Variants in NRG3 observed in about 807,000 individuals in gnomAD.
NRG3 encodes the protein pro-neuregulin-3, membrane-bound isoform.
Under a neutral mutation model 66.9 loss-of-function variants are expected in NRG3, and 31 were observed. That is an observed-to-expected ratio of 0.46 (90% confidence interval 0.35 to 0.63). NRG3 has a LOEUF of 0.63. NRG3 is among the 20% of genes least tolerant of loss of function. The pLI is 0.00. For missense variants in NRG3, 910 were observed against 878.9 expected, an observed-to-expected ratio of 1.04 and a Z score of -0.45; for synonymous variants, 393 against 359.4, an observed-to-expected ratio of 1.09 and a Z score of -1.06.
In NRG3 at chr10:82,870,234, CT is replaced by C. The variant is rs1182495184; in HGVS notation, c.1054+4801del. Among the ~76,000 whole-genome samples the C allele has an allele frequency of 2.6e-5, 4 of 152,122 alleles. No homozygotes were observed. In the East Asian group the frequency reaches 7.7e-4, roughly 29 times the overall value. On this transcript the variant is annotated intron_variant, in intron 4 of 8. Coordinates refer to ENST00000372141, the MANE Select transcript of NRG3 (RefSeq NM_001010848.4). Reference sequence around the variant, plus strand: ...GACTGTCATATATTTGGAATAATACCTTTTGTACTGGCTTATTTCACTTAGT... The same window carrying C: ...GACTGTCATATATTTGGAATAATACCTTTGTACTGGCTTATTTCACTTAGT...
rs946407106 is a variant in NRG3, at chr10:82,940,831, A to G, written c.1055-10638A>G. Among the ~76,000 whole-genome samples, 12 of 152,092 alleles carry G rather than the reference A, an allele frequency of 7.9e-5. 1 individual carries two copies. In the East Asian group the frequency reaches 2.3e-3, roughly 30 times the overall value. Reference sequence around the variant, plus strand: ...GACTTACCCACTTCCCAAAAGCCCCACCTCTTAATATGATTCCATAGGGCA... The same window carrying G: ...GACTTACCCACTTCCCAAAAGCCCCGCCTCTTAATATGATTCCATAGGGCA... On this transcript the variant is annotated intron_variant, in intron 4 of 8. Coordinates refer to ENST00000372141, the MANE Select transcript of NRG3 (RefSeq NM_001010848.4).
chr10:82,565,489 T>A (rs1396506287), intron 2 of NRG3, among the ~76,000 whole-genome samples: 1 of 152,104 alleles, frequency 6.6e-6, no homozygotes, highest in East Asian at 1.9e-4. Flanking sequence ...TTGACTTTCA[T>A]CCTTCAATCC....
At chr10:82,135,904 C>G (rs1160661045) in intron 1 of NRG3, among the ~76,000 whole-genome samples, 3 of 152,054 alleles carry the variant, frequency 2.0e-5, no homozygotes, top group African/African-American at 4.8e-5. Context: ...TGAGGATATT[C>G]GTCAATGTCT....
At chr10:82,060,489 G>T (rs550182579) in intron 1 of NRG3, among the ~76,000 whole-genome samples, 41 of 152,236 alleles carry the variant, frequency 2.7e-4, no homozygotes, top group African/African-American at 9.6e-4. Flanking sequence ...AATTTTGGTG[G>T]TTATGCATAG....
intron 6 of NRG3, among the ~76,000 whole-genome samples, chr10:82,965,397 G>C (rs1239752620): frequency 6.6e-6 from 1 of 152,144 alleles, no homozygotes; most frequent in Non-Finnish European, 1.5e-5. Context: ...CCAGACCTTA[G>C]CTTGTCTCGG....
chr10:82,345,077 A>T (rs1370410697), intron 1 of NRG3, among the ~76,000 whole-genome samples: 4 of 119,986 alleles, frequency 3.3e-5, no homozygotes, highest in East Asian at 5.7e-4. Context: ...ATTAGATCCC[A>T]TTTGTCAATT....
intron 3 of NRG3, among the ~76,000 whole-genome samples, chr10:82,740,350 TA>T (rs34075495): frequency 7.3e-5 from 11 of 151,640 alleles, no homozygotes; most frequent in Admixed American, 4.6e-4. Context: ...ACAAAGTGGG[TA>T]AAAAAAACCT....
intron 1 of NRG3, among the ~76,000 whole-genome samples, chr10:82,358,346 C>T (rs2083908194): frequency 6.6e-6 from 1 of 152,026 alleles, no homozygotes; most frequent in Non-Finnish European, 1.5e-5. Flanking sequence ...ATACATTGAT[C>T]AGATGTTTAA....
At chr10:82,847,537 G>A (rs1455141779) in intron 3 of NRG3, among the ~76,000 whole-genome samples, 1 of 152,162 alleles carries the variant, frequency 6.6e-6, no homozygotes, top group Non-Finnish European at 1.5e-5. Context: ...TGGTATGAAA[G>A]CCCATATAAT....
chr10:82,896,778 A>G (rs1675283864), intron 4 of NRG3, among the ~76,000 whole-genome samples: 1 of 152,226 alleles, frequency 6.6e-6, no homozygotes, highest in African/African-American at 2.4e-5. Flanking sequence ...CTGTAGCAGA[A>G]ACTAACCTCA....
chr10:82,210,263 T>G (rs997517274), intron 1 of NRG3, among the ~76,000 whole-genome samples: 8 of 152,282 alleles, frequency 5.3e-5, no homozygotes, highest in Admixed American at 3.3e-4. Flanking sequence ...TGAGTCTATT[T>G]TAAGGTAAAG....
intron 1 of NRG3, among the ~76,000 whole-genome samples, chr10:81,937,581 T>G (rs1366016365): frequency 6.6e-6 from 1 of 152,142 alleles, no homozygotes; most frequent in African/African-American, 2.4e-5. Flanking sequence ...TCAAGTTGTT[T>G]GCACATTTTT....
intron 1 of NRG3, among the ~76,000 whole-genome samples, chr10:82,290,458 C>T (rs1009460908): frequency 2.6e-5 from 4 of 152,196 alleles, no homozygotes; most frequent in South Asian, 2.1e-4. Context: ...AATGAACTAA[C>T]GTGATTTTCT....
At chr10:82,045,532 T>A (rs11192289) in intron 1 of NRG3, among the ~76,000 whole-genome samples, 15,301 of 21,664 alleles carry the variant, frequency 0.71, 6,353 homozygotes, top group Middle Eastern at 0.95. Flanking sequence ...GTTCACTCTG[T>A]TGGTAGTTTC....
intron 3 of NRG3, among the ~76,000 whole-genome samples, chr10:82,745,122 T>A (rs1400307919): frequency 6.6e-6 from 1 of 152,160 alleles, no homozygotes; most frequent in African/African-American, 2.4e-5. Flanking sequence ...CAATAAAAGT[T>A]CACATAAAGT....
chr10:82,432,765 T>G (rs1345604686), intron 2 of NRG3, among the ~76,000 whole-genome samples: 3 of 152,176 alleles, frequency 2.0e-5, no homozygotes, highest in Non-Finnish European at 4.4e-5. Context: ...TGGCTTCTAG[T>G]GTCATCCGAG....
intron 3 of NRG3, among the ~76,000 whole-genome samples, chr10:82,788,794 A>T (rs1050485978): frequency 2.0e-5 from 3 of 151,928 alleles, no homozygotes; most frequent in African/African-American, 7.3e-5. Flanking sequence ...TTTTTTTTTT[A>T]AATCATACCC....
At chr10:81,997,801 T>C (rs2060998685) in intron 1 of NRG3, among the ~76,000 whole-genome samples, 1 of 151,836 alleles carries the variant, frequency 6.6e-6, no homozygotes, top group African/African-American at 2.4e-5. Flanking sequence ...ACGTAATGTC[T>C]CCCTAGCTGT....
chr10:82,216,249 G>A (rs2075669528), intron 1 of NRG3, among the ~76,000 whole-genome samples: 1 of 151,494 alleles, frequency 6.6e-6, no homozygotes, highest in South Asian at 2.1e-4. Flanking sequence ...CCAAAGTGCT[G>A]GGATTACATG....
Sources: allele counts gnomAD v4.1 joint callset (sites outside exome capture counted in the v4.1 genomes callset), GRCh38; gene constraint gnomAD v4.1.1; transcripts MANE v1.5; gene names NCBI Gene and HGNC (gene_info 2026-07-23, HGNC 2026-07-21).